COL4A6: variants seen among roughly 807,000 people sequenced by gnomAD.
COL4A6 encodes the protein collagen type IV alpha 6 chain.
Under a neutral mutation model 126.7 loss-of-function variants are expected in COL4A6, and 59 were observed. That is an observed-to-expected ratio of 0.47 (90% CI 0.38 to 0.58). The LOEUF is 0.58. COL4A6 is among the 20% of genes least tolerant of loss of function. COL4A6 has a pLI of 0.00. For missense variants in COL4A6, 1,285 were observed against 1,337.3 expected, an observed-to-expected ratio of 0.96 and a Z score of 0.61; for synonymous variants, 547 against 496.6, an observed-to-expected ratio of 1.10 and a Z score of -1.35.
At chrX:108,406,937 T>TGGAA (rs1235581575) in intron 2 of COL4A6, among the ~76,000 whole-genome samples, 1 of 111,521 alleles carries the variant, frequency 9.0e-6, no homozygotes, top group African/African-American at 3.3e-5. Flanking sequence ...ATAATGATTG[T>TGGAA]GGAAGGAAGG....
chrX:108,257,675 T>C (rs1409206960), intron 3 of COL4A6, among the ~76,000 whole-genome samples: 3 of 111,161 alleles, frequency 2.7e-5, no homozygotes, highest in African/African-American at 9.8e-5. Context: ...ACACCTCCTC[T>C]GGCTCCCTTC....
chrX:108,260,717 C>G (rs1464478499), intron 3 of COL4A6, among the ~76,000 whole-genome samples: 2 of 110,244 alleles, frequency 1.8e-5, no homozygotes, highest in Non-Finnish European at 3.8e-5. Context: ...TAAACACGTT[C>G]TTTTTTGTAT....
At chrX:108,298,869 T>C (rs1603040480) in intron 3 of COL4A6, among the ~76,000 whole-genome samples, 1 of 110,562 alleles carries the variant, frequency 9.0e-6, no homozygotes, top group Non-Finnish European at 1.9e-5. Context: ...CTCTCAGAGC[T>C]CTGGCTCAGT....
Position 108,159,584 on chromosome X carries a change from T to C in COL4A6, c.4690A>G (p.Ile1564Val). ...GCCTCACACACAGAGCAGCGGCTGA[T>C]GTACTGGGGAATCTGGGTCTGGCTG... ...PVSQTQIPQY[I>V]SRCSVCEAPS... The change falls in exon 44 of 45, where the codon ATC becomes GTC. Residue 1564 changes from isoleucine to valine, a missense_variant. By Grantham distance (29) the Ile-to-Val change is conservative. Coordinates refer to ENST00000334504, the MANE Select transcript of COL4A6 (RefSeq NM_033641.4). 1 of 1,212,056 alleles carries C rather than the reference T, an allele frequency of 8.3e-7. No individual in the cohort carries two copies. Among genetic ancestry groups the C allele is most frequent in the Non-Finnish European group, 1.1e-6 (1 of 895,528 alleles).
chrX:108,428,667 C>T (rs907913185), intron 2 of COL4A6, among the ~76,000 whole-genome samples: 6 of 109,697 alleles, frequency 5.5e-5, no homozygotes, highest in Non-Finnish European at 7.6e-5. Context: ...ATATGACCCC[C>T]GAACCTAAAA....
At chrX:108,340,983 A>T (rs1262069713) in intron 2 of COL4A6, among the ~76,000 whole-genome samples, 1 of 110,779 alleles carries the variant, frequency 9.0e-6, no homozygotes, top group Non-Finnish European at 1.9e-5. Flanking sequence ...TTTAGAAAAG[A>T]TTTTAATAAT....
At chrX:108,336,184 T>G (rs1308561148) in intron 2 of COL4A6, among the ~76,000 whole-genome samples, 1 of 111,788 alleles carries the variant, frequency 8.9e-6, no homozygotes, top group Non-Finnish European at 1.9e-5. Context: ...TCTACGCCAA[T>G]GTTGATAGCA....
chrX:108,376,133 G>A (rs1272550998), intron 2 of COL4A6, among the ~76,000 whole-genome samples: 1 of 110,970 alleles, frequency 9.0e-6, no homozygotes, highest in African/African-American at 3.3e-5. Context: ...CTCAATGTTG[G>A]TTAAATTTTC....
At chrX:108,174,989 G>T in intron 30 of COL4A6, 101 bp downstream of exon 30, 1 of 1,023,527 alleles carries the variant, frequency 9.8e-7, no homozygotes. Flanking sequence ...TGAGGTTGGC[G>T]ATGGGGGGCT....
chrX:108,307,800 T>A (rs1391322899), intron 3 of COL4A6, among the ~76,000 whole-genome samples: 1 of 111,584 alleles, frequency 9.0e-6, no homozygotes, highest in Non-Finnish European at 1.9e-5. Context: ...GGGTCAATAG[T>A]GCTGGGGCCA....
At chrX:108,165,091 C>A in intron 38 of COL4A6, 53 bp from the exon 39 acceptor site, 1 of 1,093,507 alleles carries the variant, frequency 9.1e-7, no homozygotes, top group South Asian at 2.0e-5. Flanking sequence ...GTAGTAGCCA[C>A]TGCAGAAGGC....
chrX:108,281,759 C>T (rs1347297752), intron 3 of COL4A6, among the ~76,000 whole-genome samples: 1 of 110,279 alleles, frequency 9.1e-6, no homozygotes, highest in Non-Finnish European at 1.9e-5. Context: ...TACAAGGCTA[C>T]AGTAACCAAA....
At chrX:108,394,010 G>A (rs1019523793) in intron 2 of COL4A6, among the ~76,000 whole-genome samples, 1 of 111,815 alleles carries the variant, frequency 8.9e-6, no homozygotes, top group African/African-American at 3.3e-5. Context: ...CAATAGCAAA[G>A]ACTTAGAACC....
Position 108,196,457 on chromosome X carries a change from A to G in COL4A6, c.903+54T>C, listed in dbSNP as rs1207293909. On this transcript the variant is annotated intron_variant, in intron 14 of 44. Transcript: ENST00000334504. ...AAACATAAAGAAGCAAACAGGAAAG[A>G]AAATGGACTAGATGACTTGACAGAC... 1.2e-5 allele frequency: 13 copies of G among 1,085,858 alleles called. No homozygotes were observed. The East Asian group carries it at 3.9e-4, about 33-fold the overall frequency. The allele number at this position is 1,085,858 out of a possible 1,213,427, so 89.5% of individuals were successfully genotyped here.
chrX:108,407,451 TA>T (rs902584334), intron 2 of COL4A6, among the ~76,000 whole-genome samples: 8 of 112,151 alleles, frequency 7.1e-5, no homozygotes, highest in African/African-American at 9.7e-5. Context: ...TAATTAGGGG[TA>T]ATAGTAAGCT....
At chrX:108,172,382 A>AG (rs2034337836) in intron 32 of COL4A6, 87 bp downstream of exon 32, 1 of 476,671 alleles carries the variant, frequency 2.1e-6, no homozygotes, top group Non-Finnish European at 3.1e-6. Context: ...AAAAAAAAAA[A>AG]AAAAAAAAGA....
chrX:108,193,429 G>A (rs780579357), intron 17 of COL4A6, among the ~76,000 whole-genome samples, 199 bp downstream of exon 17: 1 of 111,481 alleles, frequency 9.0e-6, no homozygotes, highest in East Asian at 2.8e-4. Flanking sequence ...ACACAAAAAT[G>A]GGGTGCTGGG....
Position 108,180,503 on chromosome X carries a change from TC to T in COL4A6, c.2131+11del, listed in dbSNP as rs1430564997. The T allele has an allele frequency of 8.6e-7, 1 of 1,166,693 alleles. No individual in the cohort carries two copies. Among genetic ancestry groups the T allele is most frequent in the Non-Finnish European group, 1.2e-6 (1 of 858,817 alleles). The stretch of plus-strand genomic sequence containing the variant: ...CAAAGAGAAGCAGGTGAGGAGACAC[TC>T]CTTTTCTTACCTGGTAATTCAGGAA... On this transcript the variant is annotated intron_variant, in intron 25 of 44. Transcript: ENST00000334504.
At chrX:108,279,435 A>G (rs1269304234) in intron 3 of COL4A6, among the ~76,000 whole-genome samples, 1 of 112,167 alleles carries the variant, frequency 8.9e-6, no homozygotes. Flanking sequence ...TTCAACAAGA[A>G]GAGCTAACTA....
Sources: allele counts gnomAD v4.1 joint callset (sites outside exome capture counted in the v4.1 genomes callset), GRCh38; gene constraint gnomAD v4.1.1; transcripts MANE v1.5; gene names NCBI Gene and HGNC (gene_info 2026-07-23, HGNC 2026-07-21).